OSBPL10: variants seen among roughly 807,000 people sequenced by gnomAD.
The protein encoded by OSBPL10 is oxysterol binding protein like 10, also known as oxysterol-binding protein-related protein 10.
Under a neutral mutation model 81.7 loss-of-function variants are expected in OSBPL10, and 49 were observed. The observed-to-expected ratio is 0.60, with a 90% confidence interval of 0.48 to 0.76. The LOEUF (loss-of-function observed/expected upper bound fraction) is 0.76, where lower values mean the gene tolerates loss of function less well. OSBPL10 is among the 30% of genes least tolerant of loss of function. OSBPL10 has a pLI of 0.00. For synonymous variants in OSBPL10, 419 were observed against 383.6 expected (o/e 1.09, Z -1.08); for missense variants, 923 against 987.8 (o/e 0.93, Z 0.88).
Position 32,048,587 on chromosome 3 carries a change from G to A in OSBPL10, n.186-1984C>T, listed in dbSNP as rs376750500. Among the ~76,000 whole-genome samples, 10 of 152,132 alleles carry A rather than the reference G, an allele frequency of 6.6e-5. 1 individual carries two copies. The highest frequency in any genetic ancestry group is 2.1e-4 in the South Asian group (1 of 4,818). ...CTCCTAAAGTGGTGGGATTACAGGC[G>A]TTAGCCACCATGCCCAGCCTCTCTT... is the stretch of plus-strand genomic sequence containing the variant. On this transcript the variant is annotated intron_variant and non_coding_transcript_variant, in intron 1 of 3. Coordinates refer to the OSBPL10 transcript ENST00000479173.
At chr3:31,993,347 T>A (rs2125524611) in intron 2 of OSBPL10, among the ~76,000 whole-genome samples, 1 of 152,104 alleles carries the variant, frequency 6.6e-6, no homozygotes, top group East Asian at 1.9e-4. Flanking sequence ...TAGCTGGGAT[T>A]ACAGGCATGC....
intron 4 of OSBPL10, among the ~76,000 whole-genome samples, chr3:31,751,682 T>C (rs1362819225): frequency 1.3e-5 from 2 of 152,202 alleles, no homozygotes; most frequent in Non-Finnish European, 2.9e-5. Flanking sequence ...GACTTCTTTC[T>C]TGAGAAACTG....
intron 2 of OSBPL10, among the ~76,000 whole-genome samples, chr3:31,877,374 C>T (rs1175328846): frequency 6.6e-6 from 1 of 152,082 alleles, no homozygotes; most frequent in African/African-American, 2.4e-5. Flanking sequence ...CCTCAAATTT[C>T]CCCCAAAGAG....
intron 1 of OSBPL10, among the ~76,000 whole-genome samples, chr3:32,073,897 C>G (rs150086979): frequency 1.3e-5 from 2 of 152,146 alleles, no homozygotes; most frequent in African/African-American, 4.8e-5. Flanking sequence ...CCAATACTTC[C>G]GCCCTGATGA....
At chr3:31,880,972 G>A (rs1437631715) in intron 1 of OSBPL10, among the ~76,000 whole-genome samples, 1 of 152,194 alleles carries the variant, frequency 6.6e-6, no homozygotes, top group Non-Finnish European at 1.5e-5. Context: ...ATGGAGTGAA[G>A]CAGGTCCTTC....
intron 1 of OSBPL10, among the ~76,000 whole-genome samples, chr3:31,949,861 C>T (rs1697820110): frequency 1.3e-5 from 2 of 152,180 alleles, no homozygotes; most frequent in South Asian, 4.2e-4. Context: ...TTAAGAACCT[C>T]CTGACCTGAG....
intron 1 of OSBPL10, chr3:31,919,311 T>A (rs1398347539): frequency 6.6e-6 from 1 of 152,218 alleles, no homozygotes; most frequent in African/African-American, 2.4e-5. Flanking sequence ...AAAACATAGA[T>A]AAATTCCCTA....
chr3:31,780,221 A>G (rs1037345103), intron 4 of OSBPL10, among the ~76,000 whole-genome samples: 63 of 152,244 alleles, frequency 4.1e-4, no homozygotes, highest in African/African-American at 1.4e-3. Flanking sequence ...TGAACCCGGG[A>G]GGCAGAGCTT....
chr3:31,738,900 C>T (rs147085826), intron 5 of OSBPL10, among the ~76,000 whole-genome samples: 86 of 151,816 alleles, frequency 5.7e-4, no homozygotes, highest in Non-Finnish European at 1.9e-4. Context: ...ATGGGGATGT[C>T]ATATACATAT....
rs181344514 is a variant in OSBPL10, at chr3:32,050,789, G to A, written n.186-4186C>T. Among the ~76,000 whole-genome samples the A allele has an allele frequency of 4.5e-3, 687 of 151,732 alleles. 6 individuals are homozygous for A. The highest frequency in any genetic ancestry group is 0.044 in the Middle Eastern group (13 of 294). ...TGATTCTCCTGCCTCAGCCTCCCAA[G>A]TAGCTAGAATTACAGGCGCCTGCTA... On this transcript the variant is annotated intron_variant and non_coding_transcript_variant, in intron 1 of 3. Coordinates refer to the OSBPL10 transcript ENST00000479173.
intron 1 of OSBPL10, among the ~76,000 whole-genome samples, chr3:31,910,837 T>C (rs1057304524): frequency 6.6e-6 from 1 of 152,180 alleles, no homozygotes. Flanking sequence ...CAAATATTTA[T>C]AGCATACTTA....
chr3:31,661,799 A>G lies in OSBPL10; in HGVS notation c.*273T>C. The G allele has an allele frequency of 3.0e-6, 1 of 334,268 alleles. No homozygotes were observed. The highest frequency in any genetic ancestry group is 4.6e-5 in the East Asian group (1 of 21,676). The allele number at this position is 334,268 out of a possible 1,614,324, so 20.7% of individuals were successfully genotyped here. ...TTTAACCTTGGTGAGTGCAGTATTT[A>G]AATGTGTAATCATACTCAGATGTTT... On this transcript the variant is annotated 3_prime_UTR_variant, in exon 12 of 12. Coordinates refer to ENST00000396556, the MANE Select transcript of OSBPL10 (RefSeq NM_017784.5).
At chr3:31,690,379 G>A (rs775993292) in intron 7 of OSBPL10, among the ~76,000 whole-genome samples, 1 of 152,110 alleles carries the variant, frequency 6.6e-6, no homozygotes, top group Non-Finnish European at 1.5e-5. Context: ...CTGCAAAACT[G>A]GTCAATTAAA....
intron 3 of OSBPL10, among the ~76,000 whole-genome samples, chr3:31,835,763 T>C (rs540410320): frequency 1.1e-4 from 17 of 152,314 alleles, no homozygotes; most frequent in South Asian, 8.3e-4. Flanking sequence ...TCTAAAAAAA[T>C]TGTGCCATAT....
intron 1 of OSBPL10, among the ~76,000 whole-genome samples, chr3:31,966,183 GTGTGTGTGTGTA>G (rs1698396987): frequency 1.5e-5 from 2 of 130,660 alleles, no homozygotes; most frequent in Admixed American, 8.5e-5. Flanking sequence ...GTGTGTGTGT[GTGTGTGTGTGTA>G]TTCACACTTC....
chr3:31,939,609 T>C (rs1329025850), intron 1 of OSBPL10, among the ~76,000 whole-genome samples: 2 of 151,856 alleles, frequency 1.3e-5, no homozygotes, highest in African/African-American at 4.8e-5. Context: ...CTCCCCTAGC[T>C]ACAGTCAGCA....
At chr3:32,057,389 C>T (rs1409265328) in intron 1 of OSBPL10, among the ~76,000 whole-genome samples, 1 of 152,086 alleles carries the variant, frequency 6.6e-6, no homozygotes, top group African/African-American at 2.4e-5. Flanking sequence ...GTAAAATCTA[C>T]TTGTATTAGT....
intron 3 of OSBPL10, among the ~76,000 whole-genome samples, chr3:31,849,855 T>C (rs778288615): frequency 9.9e-5 from 15 of 151,434 alleles, no homozygotes; most frequent in Admixed American, 1.3e-4. Context: ...CTGGGCAACA[T>C]AGTGAGTCTC....
At chr3:31,736,096 G>T (rs2125672868) in intron 5 of OSBPL10, among the ~76,000 whole-genome samples, 1 of 152,272 alleles carries the variant, frequency 6.6e-6, no homozygotes, top group African/African-American at 2.4e-5. Context: ...TAGAATGGTG[G>T]TTGCTGAGGG....
Sources: gnomAD v4.1 joint callset for allele counts (sites outside exome capture counted in the v4.1 genomes callset) on GRCh38, gnomAD v4.1.1 for gene constraint, MANE v1.5 for transcripts, NCBI Gene and HGNC (gene_info 2026-07-23, HGNC 2026-07-21) for gene names.